The following DCAF7 variants were observed in gnomAD, a reference collection of about 807,000 sequenced individuals.
DCAF7 encodes the protein DDB1- and CUL4-associated factor 7.
Under a neutral mutation model 41.2 loss-of-function variants are expected in DCAF7, and 4 were observed. That is an observed-to-expected ratio of 0.10 (90% CI 0.05 to 0.22). The LOEUF (loss-of-function observed/expected upper bound fraction) is 0.22, where lower values mean the gene tolerates loss of function less well. Ranked by LOEUF, DCAF7 falls within the 10% of genes least tolerant of loss-of-function variation. The pLI, the probability that DCAF7 is intolerant of heterozygous loss-of-function variation, is 1.00. For synonymous variants in DCAF7, 143 were observed against 164.2 expected, an observed-to-expected ratio of 0.87 and a Z score of 0.99; for missense variants, 131 against 443.2, an observed-to-expected ratio of 0.30 and a Z score of 6.32.
intron 1 of DCAF7, among the ~76,000 whole-genome samples, chr17:63,559,387 GTATATATA>G (rs59755195): frequency 2.7e-5 from 1 of 37,462 alleles, no homozygotes; most frequent in Non-Finnish European, 5.9e-5. Context: ...GTATATATAT[GTATATATA>G]TATGTATATA....
At chr17:63,572,487 C>T (rs1467164558) in intron 1 of DCAF7, among the ~76,000 whole-genome samples, 8 of 152,152 alleles carry the variant, frequency 5.3e-5, no homozygotes, top group Non-Finnish European at 1.0e-4. Flanking sequence ...GGTAGAAAGT[C>T]TTGTTAGGCT....
At chr17:63,558,375 G>A (rs1690136440) in intron 1 of DCAF7, among the ~76,000 whole-genome samples, 1 of 152,120 alleles carries the variant, frequency 6.6e-6, no homozygotes, top group African/African-American at 2.4e-5. Flanking sequence ...AAATACTTGG[G>A]GATATACTTA....
In DCAF7 at chr17:63,559,375, GTGTATATATA is replaced by G. The variant is rs1216349563; in HGVS notation, c.138+8572_138+8581del. Among the ~76,000 whole-genome samples, 291 of 81,068 alleles carry G rather than the reference GTGTATATATA, an allele frequency of 3.6e-3. 6 individuals are homozygous for G. The highest frequency in any genetic ancestry group is 0.016 in the African/African-American group (242 of 15,430). 53.2% of individuals were successfully genotyped at this position (81,068 alleles called of 152,430 possible). On this transcript the variant is annotated intron_variant, in intron 1 of 6. Transcript: ENST00000614556. ...TATATATATGTATGTATATATATAT[GTGTATATATA>G]TGTATATATATATGTATATATATGT...
intron 6 of DCAF7, among the ~76,000 whole-genome samples, chr17:63,587,154 G>A (rs548890966): frequency 6.6e-6 from 1 of 152,236 alleles, no homozygotes; most frequent in East Asian, 1.9e-4. Context: ...TGGAGCCCAA[G>A]AAGCAATGTA....
chr17:63,592,890 T>C lies in DCAF7; in HGVS notation c.*3718T>C, dbSNP rs1046417663. The C allele has an allele frequency of 1.3e-5, 2 of 152,468 alleles. No homozygotes were observed. Among genetic ancestry groups the C allele is most frequent in the South Asian group, 2.1e-4 (1 of 4,830 alleles). The allele number at this position is 152,468 out of a possible 1,614,324, so 9.4% of individuals were successfully genotyped here. A position where few individuals can be genotyped will look rare whatever the true frequency, so the allele number is the denominator to read the frequency against. On this transcript the variant is annotated 3_prime_UTR_variant, in exon 7 of 7. Coordinates refer to ENST00000614556, the MANE Select transcript of DCAF7 (RefSeq NM_005828.5). ...GGAGAAGCAGAGGTTATGACAGTTA[T>C]GCAGACTTTCCCCCTCCTTTTTCTC... is the stretch of plus-strand genomic sequence containing the variant.
rs535744228 is a variant in DCAF7 at position 63,578,720 on chromosome 17, G to A, written c.297+92G>A. 1.0e-5 allele frequency: 16 copies of A among 1,539,994 alleles called. No homozygotes were observed. In the South Asian group the frequency reaches 1.6e-4, roughly 15 times the overall value. The stretch of plus-strand genomic sequence containing the variant: ...AGTCACAGAACAGACAGGGGTCAGA[G>A]GCAGCGAGTGTCATTGCAGCACAGG... On this transcript the variant is annotated intron_variant, in intron 2 of 6. Coordinates refer to ENST00000614556, the MANE Select transcript of DCAF7 (RefSeq NM_005828.5).
intron 1 of DCAF7, among the ~76,000 whole-genome samples, chr17:63,569,572 G>T (rs190662732): frequency 1.4e-3 from 218 of 152,158 alleles, no homozygotes; most frequent in African/African-American, 5.1e-3. Flanking sequence ...CACTTTGGTG[G>T]TTTTTTGTTT....
intron 5 of DCAF7, among the ~76,000 whole-genome samples, chr17:63,584,973 G>A (rs757538373): frequency 3.7e-4 from 57 of 152,130 alleles, no homozygotes; most frequent in Non-Finnish European, 3.2e-4. Flanking sequence ...GACTCCTGTT[G>A]TCTGTTTCTG....
chr17:63,554,559 C>T (rs1362781037), intron 1 of DCAF7, among the ~76,000 whole-genome samples: 5 of 152,244 alleles, frequency 3.3e-5, no homozygotes, highest in African/African-American at 1.2e-4. Flanking sequence ...TGTGATTAGC[C>T]TGGGTTATCT....
At chr17:63,585,156 G>GT (rs1475986028) in intron 5 of DCAF7, 55 bp from the exon 6 acceptor site, 18 of 1,466,524 alleles carry the variant, frequency 1.2e-5, no homozygotes, top group Admixed American at 3.9e-5. Context: ...AGTATTTTTT[G>GT]TTTTTTTCTA....
chr17:63,550,528 C>A lies in DCAF7; in HGVS notation c.-150C>A, dbSNP rs947698690. 9 of 1,278,020 alleles carry A rather than the reference C, an allele frequency of 7.0e-6. No individual in the cohort carries two copies. Among genetic ancestry groups the A allele is most frequent in the Non-Finnish European group, 9.4e-6 (9 of 957,314 alleles). 79.2% of individuals were successfully genotyped at this position (1,278,020 alleles called of 1,614,324 possible). A position where few individuals can be genotyped will look rare whatever the true frequency, so the allele number is the denominator to read the frequency against. On this transcript the variant is annotated 5_prime_UTR_variant, in exon 1 of 7. Transcript: ENST00000614556. This position sits in a 1 kb window ranked among gnomAD's most constrained non-coding sequence, Gnocchi z 4.8. ...ACTAGGGGTCGGGCTCGGCCGTCGT[C>A]GTTGTTTGTCGCCGCATCCCCGCTT...
intron 1 of DCAF7, among the ~76,000 whole-genome samples, chr17:63,575,520 C>T (rs1335069303): frequency 6.6e-6 from 1 of 152,044 alleles, no homozygotes; most frequent in African/African-American, 2.4e-5. Context: ...GCCGACATGG[C>T]AAAACCCCAT....
At chr17:63,570,209 T>C (rs2033490532) in intron 1 of DCAF7, among the ~76,000 whole-genome samples, 1 of 152,050 alleles carries the variant, frequency 6.6e-6, no homozygotes, top group African/African-American at 2.4e-5. Flanking sequence ...ATCCCAGCAC[T>C]TTGGGAGGCC....
chr17:63,566,363 T>G (rs2033442143), intron 1 of DCAF7, among the ~76,000 whole-genome samples: 2 of 93,560 alleles, frequency 2.1e-5, no homozygotes, highest in Non-Finnish European at 4.3e-5. Context: ...AGAGCGAGAC[T>G]CTGTCTCAAA....
In DCAF7 at chr17:63,556,103, G is replaced by A. The variant is rs563822958; in HGVS notation, c.138+5288G>A. Among the ~76,000 whole-genome samples, 3 of 152,350 alleles carry A rather than the reference G, an allele frequency of 2.0e-5. No individual in the cohort carries two copies. The South Asian group carries it at 6.2e-4, about 32-fold the overall frequency. On this transcript the variant is annotated intron_variant, in intron 1 of 6. Coordinates refer to ENST00000614556, the MANE Select transcript of DCAF7 (RefSeq NM_005828.5). Reference sequence around the variant, plus strand: ...AAATAGAAAAGACCAGGAAAAGCTAGTGTATATTCTCAGAATATTGTGTTA... The same window carrying A: ...AAATAGAAAAGACCAGGAAAAGCTAATGTATATTCTCAGAATATTGTGTTA...
At chr17:63,554,725 G>A (rs925667055) in intron 1 of DCAF7, among the ~76,000 whole-genome samples, 1 of 152,144 alleles carries the variant, frequency 6.6e-6, no homozygotes, top group Non-Finnish European at 1.5e-5. Context: ...AACGCCACCC[G>A]GTGTGGAATA....
intron 1 of DCAF7, among the ~76,000 whole-genome samples, chr17:63,561,063 A>C (rs1038651046): frequency 6.6e-6 from 1 of 152,114 alleles, no homozygotes; most frequent in African/African-American, 2.4e-5. Flanking sequence ...TGAGGTCAGG[A>C]GTTCAAGACC....
intron 4 of DCAF7, among the ~76,000 whole-genome samples, chr17:63,581,035 C>T (rs2033617413): frequency 6.6e-6 from 1 of 152,126 alleles, no homozygotes; most frequent in South Asian, 2.1e-4. Context: ...AGGTTGTCAA[C>T]AGCATAGGAA....
At chr17:63,564,121 G>A (rs1395560293) in intron 1 of DCAF7, among the ~76,000 whole-genome samples, 2 of 138,268 alleles carry the variant, frequency 1.4e-5, no homozygotes, top group African/African-American at 5.2e-5. Context: ...ATGACATAGA[G>A]GGATGTTAAC....
Sources: gnomAD v4.1 joint callset for allele counts (sites outside exome capture counted in the v4.1 genomes callset) on GRCh38, gnomAD v4.1.1 for gene constraint, Gnocchi (gnomAD v3.1) non-coding constraint, MANE v1.5 for transcripts, NCBI Gene and HGNC (gene_info 2026-07-23, HGNC 2026-07-21) for gene names.